Variants in PDE4B observed in about 807,000 individuals in gnomAD.
The protein encoded by PDE4B is phosphodiesterase 4B.
In PDE4B, 20 loss-of-function variants were observed where a neutral mutation model predicts 82.2. The ratio of observed to expected loss-of-function variants is 0.24; its 90% confidence interval spans 0.17 to 0.35. The LOEUF is 0.35. Among genes scored for constraint, PDE4B ranks in the 10% least tolerant of loss-of-function variants. The pLI is 1.00. For synonymous variants in PDE4B, 320 were observed against 318.9 expected, an observed-to-expected ratio of 1.00 and a Z score of -0.04; for missense variants, 655 against 907.2, an observed-to-expected ratio of 0.72 and a Z score of 3.57.
At chr1:65,966,511 T>C (rs192562212) in intron 3 of PDE4B, among the ~76,000 whole-genome samples, 16 of 152,318 alleles carry the variant, frequency 1.1e-4, no homozygotes, top group African/African-American at 3.6e-4. Context: ...CCCATCAAGC[T>C]ACCAGTGACT....
intron 1 of PDE4B, among the ~76,000 whole-genome samples, chr1:65,899,930 G>T (rs1470022849): frequency 3.3e-5 from 5 of 151,866 alleles, no homozygotes; most frequent in African/African-American, 9.7e-5. Context: ...AGGGTGCAGT[G>T]TATGCAGCTT....
At chr1:66,060,125 A>G (rs1382327251) in intron 3 of PDE4B, among the ~76,000 whole-genome samples, 2 of 152,218 alleles carry the variant, frequency 1.3e-5, no homozygotes, top group African/African-American at 4.8e-5. Context: ...TATTTGTTTC[A>G]GAAGGGACTT....
At chr1:66,174,755 G>GCAACAA (rs143629032) in intron 3 of PDE4B, among the ~76,000 whole-genome samples, 3,594 of 149,182 alleles carry the variant, frequency 0.024, 62 homozygotes, top group Non-Finnish European at 0.036. Context: ...CTCAAAAAAA[G>GCAACAA]CAACAACAAC....
intron 7 of PDE4B, among the ~76,000 whole-genome samples, chr1:66,300,807 A>G (rs1570651429): frequency 1.3e-5 from 2 of 152,162 alleles, no homozygotes; most frequent in Admixed American, 1.3e-4. Flanking sequence ...GGATTAGGCA[A>G]TCACTGCTGG....
rs996887190 is a variant in PDE4B, at chr1:66,373,773, A to C, written c.*1095A>C. Reference sequence around the variant, plus strand: ...CCTAAGAGTTACGACTTTTTCTTGTAATGTTTTGTATTGTGTATTATATAA... The same window carrying C: ...CCTAAGAGTTACGACTTTTTCTTGTCATGTTTTGTATTGTGTATTATATAA... On this transcript the variant is annotated 3_prime_UTR_variant, in exon 17 of 17. Transcript: ENST00000341517. 5.2e-5 allele frequency: 8 copies of C among 152,486 alleles called. No homozygotes were observed. The highest frequency in any genetic ancestry group is 1.9e-4 in the African/African-American group (8 of 41,434). The allele number at this position is 152,486 out of a possible 1,614,324, so 9.4% of individuals were successfully genotyped here.
At chr1:66,257,108 T>C (rs1271382027) in intron 4 of PDE4B, among the ~76,000 whole-genome samples, 1 of 152,186 alleles carries the variant, frequency 6.6e-6, no homozygotes, top group African/African-American at 2.4e-5. Flanking sequence ...ATTAAAAGCT[T>C]TTCCTTAGGT....
intron 3 of PDE4B, among the ~76,000 whole-genome samples, chr1:66,146,425 C>A (rs1209983234): frequency 6.6e-6 from 1 of 152,046 alleles, no homozygotes; most frequent in Non-Finnish European, 1.5e-5. Flanking sequence ...ACCTTGTGAT[C>A]TGCCCATCTC....
intron 3 of PDE4B, among the ~76,000 whole-genome samples, chr1:66,068,807 T>G (rs536851557): frequency 1.6e-4 from 25 of 152,086 alleles, no homozygotes; most frequent in South Asian, 1.2e-3. Context: ...CATTTTTCAT[T>G]GCTTTGATCA....
chr1:65,963,698 A>T (rs1276877778), intron 3 of PDE4B, among the ~76,000 whole-genome samples: 1 of 152,182 alleles, frequency 6.6e-6, no homozygotes, highest in Admixed American at 6.5e-5. Context: ...TAACTGCTTG[A>T]TCAGTGCCTC....
intron 1 of PDE4B, among the ~76,000 whole-genome samples, chr1:65,868,978 C>CA (rs1646543638): frequency 6.6e-6 from 1 of 152,116 alleles, no homozygotes; most frequent in African/African-American, 2.4e-5. Flanking sequence ...TCCCTGGTGT[C>CA]AAAAAGGTTG....
At chr1:66,018,437 T>C (rs1282491692) in intron 3 of PDE4B, among the ~76,000 whole-genome samples, 1 of 151,798 alleles carries the variant, frequency 6.6e-6, no homozygotes, top group Non-Finnish European at 1.5e-5. Context: ...ATAAACAAAA[T>C]AAAATAAAAA....
intron 3 of PDE4B, among the ~76,000 whole-genome samples, chr1:66,247,036 A>G (rs1210159624): frequency 3.3e-5 from 5 of 152,210 alleles, no homozygotes; most frequent in Admixed American, 6.5e-5. Context: ...CCAGACAGGA[A>G]GACTTTACTC....
At chr1:66,269,015 T>C (rs1246699510) in intron 7 of PDE4B, among the ~76,000 whole-genome samples, 1 of 152,212 alleles carries the variant, frequency 6.6e-6, no homozygotes, top group Non-Finnish European at 1.5e-5. Context: ...ACAGTAAGTG[T>C]TGAATTGACC....
chr1:65,881,238 C>G (rs1358136297), intron 1 of PDE4B, among the ~76,000 whole-genome samples: 2 of 152,180 alleles, frequency 1.3e-5, no homozygotes, highest in African/African-American at 2.4e-5. Context: ...TTGGATGGCT[C>G]AGATCTCTCA....
At chr1:66,263,534 T>A (rs777794251) in intron 6 of PDE4B, among the ~76,000 whole-genome samples, 3 of 152,188 alleles carry the variant, frequency 2.0e-5, no homozygotes, top group Non-Finnish European at 4.4e-5. Context: ...ATTTTGGAGT[T>A]CCTACTATTT....
chr1:66,252,266 AAATAT>A (rs1462093866), intron 4 of PDE4B, among the ~76,000 whole-genome samples: 3 of 152,192 alleles, frequency 2.0e-5, no homozygotes, highest in African/African-American at 7.2e-5. Flanking sequence ...AATATAACAT[AAATAT>A]GAGTCCTCTT....
intron 3 of PDE4B, among the ~76,000 whole-genome samples, chr1:66,016,425 C>T (rs1415186014): frequency 6.6e-6 from 1 of 152,172 alleles, no homozygotes. Context: ...TTCTTTCTTG[C>T]TGCCTGGATT....
At chr1:66,262,644 C>T (rs893843791) in intron 6 of PDE4B, among the ~76,000 whole-genome samples, 5 of 152,324 alleles carry the variant, frequency 3.3e-5, no homozygotes, top group African/African-American at 1.2e-4. Context: ...TTCTGTCTGG[C>T]ATTCTCATGC....
At chr1:65,895,011 C>T (rs1219775607) in intron 1 of PDE4B, among the ~76,000 whole-genome samples, 2 of 152,084 alleles carry the variant, frequency 1.3e-5, no homozygotes, top group African/African-American at 4.8e-5. Context: ...TACCAAATGA[C>T]TCAGAAATCG....
Sources: gnomAD v4.1 joint callset for allele counts (sites outside exome capture counted in the v4.1 genomes callset) on GRCh38, gnomAD v4.1.1 for gene constraint, MANE v1.5 for transcripts, NCBI Gene and HGNC (gene_info 2026-07-23, HGNC 2026-07-21) for gene names.